KCNMB3: variants seen among roughly 807,000 people sequenced by gnomAD.
The protein encoded by KCNMB3 is calcium-activated potassium channel subunit beta-3.
A neutral mutation model predicts 11.9 loss-of-function variants in KCNMB3; 18 were observed. The ratio of observed to expected loss-of-function variants is 1.51; its 90% CI spans 1.04 to 2.23. The LOEUF (loss-of-function observed/expected upper bound fraction) is 2.23. Ranked by LOEUF, KCNMB3 falls within the 30% of genes most tolerant of loss-of-function variation. The pLI, the probability that KCNMB3 is intolerant of heterozygous loss-of-function variation, is 0.00. For missense variants in KCNMB3, 247 were observed against 329.4 expected, an observed-to-expected ratio of 0.75 and a Z score of 1.94; for synonymous variants, 78 against 119.2, an observed-to-expected ratio of 0.65 and a Z score of 2.25.
At chr3:179,254,389 T>C (rs1037261806), upstream of KCNMB3, among the ~76,000 whole-genome samples, 1 of 152,228 alleles carries the variant, frequency 6.6e-6, no homozygotes, top group Non-Finnish European at 1.5e-5. Flanking sequence ...TCATACTACC[T>C]GGGTAATACA....
downstream of KCNMB3, chr3:179,241,020 C>T (rs1725441807): frequency 6.6e-6 from 1 of 152,132 alleles, no homozygotes; most frequent in South Asian, 2.1e-4. Context: ...AAATGCGTAT[C>T]ACATTTAGCC....
chr3:179,244,580 C>T lies in KCNMB3; in HGVS notation c.362G>A (p.Cys121Tyr). The change falls in exon 2 of 3, where the codon TGT becomes TAT. Residue 121 changes from cysteine (C) to tyrosine (Y), a missense_variant. Around this residue, in one of 2 missense-constraint regions of KCNMB3, gnomAD observed 160 missense variants for 157.5 expected, o/e 1.02. Transcript: ENST00000392685. ...GCTGAGGTTCACAAACACCTGAAGA[C>T]ACGGGTACTTCCCCTGACCGTGGCA... The part of the protein sequence containing the change: ...VHCHGQGKYP[C>Y]LQVFVNLSHP... The T allele has an allele frequency of 6.2e-7, 1 of 1,614,128 alleles. No individual in the cohort carries two copies. The highest frequency in any genetic ancestry group is 8.5e-7 in the Non-Finnish European group (1 of 1,180,024).
At chr3:179,248,769 T>C (rs1725731769) in intron 1 of KCNMB3, among the ~76,000 whole-genome samples, 1 of 151,916 alleles carries the variant, frequency 6.6e-6, no homozygotes, top group Non-Finnish European at 1.5e-5. Flanking sequence ...AGCCTACTGT[T>C]GACTGGAAGC....
At chr3:179,257,454 C>A (rs1726049462) in intron 1 of KCNMB3, among the ~76,000 whole-genome samples, 2 of 152,224 alleles carry the variant, frequency 1.3e-5, no homozygotes, top group African/African-American at 2.4e-5. Context: ...TCTAACTTTA[C>A]AATTATTTTT....
At chr3:179,261,142 C>A in intron 1 of KCNMB3, 1 of 1,340,812 alleles carries the variant, frequency 7.5e-7, no homozygotes, top group African/African-American at 1.5e-5. Flanking sequence ...GCCGCTCCAG[C>A]TCCTTCATGG....
Position 179,242,961 on chromosome 3 carries a change from C to G in KCNMB3, c.771G>C (p.Gln257His). The change falls in exon 3 of 3, where the codon CAG becomes CAC. Residue 257 changes from glutamine (Q) to histidine (H), a missense_variant. By Grantham distance (24) the Gln-to-His change is conservative (BLOSUM62 0). Coordinates refer to ENST00000392685, the MANE Select transcript of KCNMB3 (RefSeq NM_171830.2). ...EVGGKVPYIE[Q>H]HQFKLCIMRR... The stretch of plus-strand genomic sequence containing the variant: ...TCATAATGCACAGTTTGAACTGATG[C>G]TGTTCTATATAAGGTACTTTTCCAC... 6.2e-7 allele frequency: 1 copy of G among 1,607,600 alleles called. No individual in the cohort carries two copies. Among genetic ancestry groups the G allele is most frequent in the Non-Finnish European group, 8.5e-7 (1 of 1,178,068 alleles).
chr3:179,243,699 T>C (rs1412321971), intron 2 of KCNMB3, among the ~76,000 whole-genome samples: 6 of 152,200 alleles, frequency 3.9e-5, no homozygotes, highest in Admixed American at 2.6e-4. Context: ...TGTAGCAAAA[T>C]ATCACCCTGA....
chr3:179,244,816 T>C (rs1226179625), intron 1 of KCNMB3, 123 bp from the exon 2 acceptor site: 9 of 818,224 alleles, frequency 1.1e-5, no homozygotes, highest in African/African-American at 6.9e-5. Context: ...TTTGTGTATT[T>C]TGAGGTGGTG....
chr3:179,258,468 G>A (rs1576962683), intron 1 of KCNMB3, among the ~76,000 whole-genome samples: 1 of 152,234 alleles, frequency 6.6e-6, no homozygotes, highest in East Asian at 1.9e-4. Context: ...TTGTTCTAAG[G>A]TGCAAATCTT....
At chr3:179,244,210 GGAATCTCCAAAA>G (rs1217080427) in intron 2 of KCNMB3, among the ~76,000 whole-genome samples, 18 of 152,044 alleles carry the variant, frequency 1.2e-4, no homozygotes, top group Non-Finnish European at 2.1e-4. Flanking sequence ...GGCGCGGAGT[GGAATCTCCAAAA>G]GAAAGACTCC....
chr3:179,266,128 A>C (rs1726364218), intron 1 of KCNMB3, among the ~76,000 whole-genome samples: 1 of 152,228 alleles, frequency 6.6e-6, no homozygotes, highest in South Asian at 2.1e-4. Flanking sequence ...TGAGGCAAAC[A>C]GAGAAGTTAA....
intron 1 of KCNMB3, among the ~76,000 whole-genome samples, chr3:179,257,863 A>G: frequency 8.1e-6 from 1 of 123,882 alleles, no homozygotes; most frequent in Non-Finnish European, 1.7e-5. Flanking sequence ...CAGGCATGAA[A>G]ACATTGTTTT....
chr3:179,254,276 C>T (rs927029895), upstream of KCNMB3, among the ~76,000 whole-genome samples: 1 of 152,176 alleles, frequency 6.6e-6, no homozygotes, highest in African/African-American at 2.4e-5. Context: ...AAGGAAAATG[C>T]CTTTCTCAAA....
At chr3:179,246,041 T>G (rs78545026) in intron 1 of KCNMB3, among the ~76,000 whole-genome samples, 2,666 of 152,284 alleles carry the variant, frequency 0.018, 106 homozygotes, top group South Asian at 0.13. Context: ...CACACTCACA[T>G]ATAGGTGGAC....
At chr3:179,245,284 A>G (rs1725597187) in intron 1 of KCNMB3, among the ~76,000 whole-genome samples, 1 of 152,120 alleles carries the variant, frequency 6.6e-6, no homozygotes, top group South Asian at 2.1e-4. Flanking sequence ...AACATAGCCT[A>G]CACAATTTCT....
At chr3:179,252,734 T>TC (rs1449409480), upstream of KCNMB3, among the ~76,000 whole-genome samples, 1 of 149,308 alleles carries the variant, frequency 6.7e-6, no homozygotes, top group East Asian at 1.9e-4. Context: ...ACCTGTACTT[T>TC]TTTTTTTTTT....
chr3:179,260,680 G>A (rs1726177335), intron 1 of KCNMB3: 3 of 1,370,806 alleles, frequency 2.2e-6, no homozygotes, highest in Admixed American at 3.4e-5. Flanking sequence ...CTGAATTTAG[G>A]ATTATTCCAT....
intron 1 of KCNMB3, among the ~76,000 whole-genome samples, chr3:179,258,091 G>A (rs1399617927): frequency 6.6e-6 from 1 of 152,034 alleles, no homozygotes; most frequent in Non-Finnish European, 1.5e-5. Flanking sequence ...TCACCATGTT[G>A]GCCAGGCTGG....
Position 179,243,066 on chromosome 3 carries a change from C to A in KCNMB3, c.666G>T (p.Leu222=), listed in dbSNP as rs1353188713. The A allele has an allele frequency of 6.3e-7, 1 of 1,583,330 alleles. No individual in the cohort carries two copies. Among genetic ancestry groups the A allele is most frequent in the South Asian group, 1.2e-5 (1 of 85,108 alleles). ...WPSLTLLGGA[L]IVGMVRLTQH... ...GTGTTAATCTCACCATGCCAACAAT[C>A]AGGGCACCACCTAGCAGAGTCAGTG... is the stretch of plus-strand genomic sequence containing the variant. The change falls in exon 3 of 3, where the codon CTG becomes CTT. Residue 222 remains leucine (L), a synonymous_variant. Coordinates refer to ENST00000392685, the MANE Select transcript of KCNMB3 (RefSeq NM_171830.2).
Sources: allele counts gnomAD v4.1 joint callset (sites outside exome capture counted in the v4.1 genomes callset), GRCh38; gene constraint gnomAD v4.1.1; regional missense constraint gnomAD v4.1.1; transcripts MANE v1.5; gene names NCBI Gene and HGNC (gene_info 2026-07-23, HGNC 2026-07-21).